XKR4: variants seen among roughly 807,000 people sequenced by gnomAD.
XKR4 encodes XK-related protein 4.
In XKR4, 12 loss-of-function variants were observed where a neutral mutation model predicts 53.9. The observed-to-expected ratio is 0.22, with a 90% CI of 0.14 to 0.36. The LOEUF (loss-of-function observed/expected upper bound fraction) is 0.36, where lower values mean the gene tolerates loss of function less well. XKR4 is among the 10% of genes least tolerant of loss of function. The pLI is 1.00. For synonymous variants in XKR4, 354 were observed against 362.4 expected, an observed-to-expected ratio of 0.98 and a Z score of 0.26; for missense variants, 799 against 859.5, an observed-to-expected ratio of 0.93 and a Z score of 0.88.
chr8:55,161,538 A>T lies in XKR4; in HGVS notation c.806+58244A>T, dbSNP rs77327897. ...AAAAGGGCAGGATGAGCAGCGCTCA[A>T]AACCTCCCACTACTGCTGCTGTCTG... On this transcript the variant is annotated intron_variant, in intron 1 of 2. Coordinates refer to ENST00000327381, the MANE Select transcript of XKR4 (RefSeq NM_052898.2). The T allele has an allele frequency of 5.9e-3, 2,697 of 456,248 alleles. 30 individuals are homozygous for T. The highest frequency in any genetic ancestry group is 0.024 in the South Asian group (1,523 of 64,566). The allele number at this position is 456,248 out of a possible 1,614,324, so 28.3% of individuals were successfully genotyped here.
At chr8:55,196,507 G>C (rs1563480412) in intron 1 of XKR4, among the ~76,000 whole-genome samples, 1 of 152,146 alleles carries the variant, frequency 6.6e-6, no homozygotes, top group Non-Finnish European at 1.5e-5. Context: ...TAAGGATTTT[G>C]AATCCAGATT....
chr8:55,239,429 C>G (rs1339759785), intron 1 of XKR4, among the ~76,000 whole-genome samples: 2 of 152,228 alleles, frequency 1.3e-5, no homozygotes, highest in Non-Finnish European at 2.9e-5. Flanking sequence ...AGAAATGCCT[C>G]TTGCTCACTG....
At chr8:55,307,668 A>C (rs1231544498) in intron 1 of XKR4, among the ~76,000 whole-genome samples, 6 of 152,080 alleles carry the variant, frequency 3.9e-5, no homozygotes, top group Non-Finnish European at 8.8e-5. Context: ...AAAAAAGAGA[A>C]TCTATAGATG....
At chr8:55,104,842 A>G (rs1300354332) in intron 1 of XKR4, among the ~76,000 whole-genome samples, 1 of 152,246 alleles carries the variant, frequency 6.6e-6, no homozygotes, top group Non-Finnish European at 1.5e-5. Context: ...GAAGACTTAT[A>G]GCTTGATGCT....
chr8:55,494,857 TC>T (rs1386259718), intron 2 of XKR4, among the ~76,000 whole-genome samples: 1 of 152,078 alleles, frequency 6.6e-6, no homozygotes, highest in Non-Finnish European at 1.5e-5. Flanking sequence ...CACTACAAGT[TC>T]CCCCTCTGGT....
chr8:55,361,245 C>T (rs896004810), intron 2 of XKR4, among the ~76,000 whole-genome samples: 4 of 152,074 alleles, frequency 2.6e-5, no homozygotes, highest in Non-Finnish European at 4.4e-5. Context: ...AATCCCTTAT[C>T]CTCACTAGGA....
At chr8:55,406,708 C>A (rs766492263) in intron 2 of XKR4, among the ~76,000 whole-genome samples, 18 of 152,176 alleles carry the variant, frequency 1.2e-4, no homozygotes, top group Non-Finnish European at 2.4e-4. Context: ...AAATTAGGAA[C>A]AATAACACAT....
intron 1 of XKR4, among the ~76,000 whole-genome samples, chr8:55,327,221 T>C (rs900669297): frequency 2.0e-5 from 3 of 152,144 alleles, no homozygotes; most frequent in African/African-American, 7.2e-5. Context: ...TAACATTACC[T>C]CACAATTTGG....
intron 1 of XKR4, among the ~76,000 whole-genome samples, chr8:55,341,934 T>G (rs1192091044): frequency 6.6e-6 from 1 of 152,016 alleles, no homozygotes; most frequent in Non-Finnish European, 1.5e-5. Flanking sequence ...GTGAGGGCAG[T>G]CTCATCTTGT....
At chr8:55,370,234 A>G (rs1221513888) in intron 2 of XKR4, among the ~76,000 whole-genome samples, 1 of 152,210 alleles carries the variant, frequency 6.6e-6, no homozygotes, top group African/African-American at 2.4e-5. Flanking sequence ...AGAGCTCTGT[A>G]ACATCTCAAG....
In XKR4 at chr8:55,528,304, T is replaced by C. The variant is rs1806904429; in HGVS notation, c.*4077T>C. The C allele has an allele frequency of 1.3e-5, 2 of 152,230 alleles. No individual in the cohort carries two copies. Among genetic ancestry groups the C allele is most frequent in the African/African-American group, 4.8e-5 (2 of 41,460 alleles). The allele number at this position is 152,230 out of a possible 1,614,324, so 9.4% of individuals were successfully genotyped here. A position where few individuals can be genotyped will look rare whatever the true frequency, so the allele number is the denominator to read the frequency against. On this transcript the variant is annotated 3_prime_UTR_variant, in exon 3 of 3. Transcript: ENST00000327381. ...CTTTTAAACAGCTGAATAAAATAGTTCTGTGTCACTTCAAAGTTTCTTTCT... is the reference window on the plus strand; with the variant it reads ...CTTTTAAACAGCTGAATAAAATAGTCCTGTGTCACTTCAAAGTTTCTTTCT...
rs1287227638 is a variant in XKR4, at chr8:55,531,867, C to G, written c.*7640C>G. On this transcript the variant is annotated 3_prime_UTR_variant, in exon 3 of 3. Transcript: ENST00000327381. The stretch of plus-strand genomic sequence containing the variant: ...ATAAACATGAGCTGTTTCTCTAAAG[C>G]CTTTCCTCCAATGCCCAGAAGAGCA... 1 of 152,286 alleles carries G rather than the reference C, an allele frequency of 6.6e-6. No homozygotes were observed. Among genetic ancestry groups the G allele is most frequent in the Admixed American group, 6.5e-5 (1 of 15,288 alleles). The allele number at this position is 152,286 out of a possible 1,614,324, so 9.4% of individuals were successfully genotyped here.
intron 2 of XKR4, among the ~76,000 whole-genome samples, chr8:55,365,862 G>A (rs1450569263): frequency 6.6e-6 from 1 of 152,188 alleles, no homozygotes; most frequent in Non-Finnish European, 1.5e-5. Flanking sequence ...GAAGGAAGAG[G>A]GCTCAGACCT....
chr8:55,300,383 G>A (rs184570801), intron 1 of XKR4, among the ~76,000 whole-genome samples: 9 of 152,206 alleles, frequency 5.9e-5, no homozygotes, highest in Admixed American at 3.9e-4. Flanking sequence ...GAATGTTTGC[G>A]GCTTCAGAAT....
chr8:55,303,016 A>G (rs1430928035), intron 1 of XKR4, among the ~76,000 whole-genome samples: 1 of 152,174 alleles, frequency 6.6e-6, no homozygotes, highest in Admixed American at 6.5e-5. Flanking sequence ...TGCCCTGGCC[A>G]GCACTTCCAA....
intron 1 of XKR4, among the ~76,000 whole-genome samples, chr8:55,184,999 C>T (rs1166561056): frequency 1.3e-5 from 2 of 152,012 alleles, no homozygotes; most frequent in Admixed American, 6.6e-5. Context: ...AATTACAGTT[C>T]GTCTAACCTT....
At position 55,474,373 on chromosome 8, in the gene XKR4, T is replaced by C. The variant is rs567450110; in HGVS notation, c.1007-48908T>C. On this transcript the variant is annotated intron_variant, in intron 2 of 2. Transcript: ENST00000327381. ...ACATATTCCTGGAGTATGCTCTCTC[T>C]ATAGAGAGTTAAAAATCAGGTAGCC... 2.6e-5 allele frequency among the ~76,000 whole-genome samples: 4 copies of C among 152,304 alleles called. No homozygotes were observed. The East Asian group carries it at 7.7e-4, about 29-fold the overall frequency.
chr8:55,539,941 G>A lies in XKR4; in HGVS notation c.*15714G>A, dbSNP rs1356170651. On this transcript the variant is annotated 3_prime_UTR_variant, in exon 3 of 3. Coordinates refer to ENST00000327381, the MANE Select transcript of XKR4 (RefSeq NM_052898.2). ...CACAAAGATACAAAACAGAATTGAA[G>A]TGTGTTAGAGCTGGACAACCCTTTG... The A allele has an allele frequency of 6.6e-6, 1 of 152,144 alleles. No individual in the cohort carries two copies. Among genetic ancestry groups the A allele is most frequent in the Non-Finnish European group, 1.5e-5 (1 of 68,046 alleles). 9.4% of individuals were successfully genotyped at this position (152,144 alleles called of 1,614,324 possible).
At chr8:55,456,722 A>C (rs1805575183) in intron 2 of XKR4, among the ~76,000 whole-genome samples, 1 of 152,218 alleles carries the variant, frequency 6.6e-6, no homozygotes, top group Non-Finnish European at 1.5e-5. Flanking sequence ...CAGTAGAAAT[A>C]TCTCAATCTG....
Sources: allele counts gnomAD v4.1 joint callset (sites outside exome capture counted in the v4.1 genomes callset), GRCh38; gene constraint gnomAD v4.1.1; transcripts MANE v1.5; gene names NCBI Gene and HGNC (gene_info 2026-07-23, HGNC 2026-07-21).